HIPK1: variants seen among roughly 807,000 people sequenced by gnomAD.
HIPK1 encodes the protein homeodomain-interacting protein kinase 1.
A neutral mutation model predicts 117.1 loss-of-function variants in HIPK1; 28 were observed. The observed-to-expected ratio is 0.24, with a 90% CI of 0.18 to 0.33. HIPK1 has a LOEUF of 0.33. HIPK1 is among the 10% of genes least tolerant of loss of function. HIPK1 has a pLI of 1.00. For missense variants in HIPK1, 1,122 were observed against 1,475.1 expected (o/e 0.76, Z 3.92); for synonymous variants, 605 against 562.5 (o/e 1.08, Z -1.07).
In HIPK1 at chr1:113,968,433, T is replaced by C; in HGVS notation, c.2565-9T>C. Reference sequence around the variant, plus strand: ...CTGAATCATCTTTCCATGTGAACTTTTCCTACAGGTCCTCTCTAGATGTTC... The same window carrying C: ...CTGAATCATCTTTCCATGTGAACTTCTCCTACAGGTCCTCTCTAGATGTTC... On this transcript the variant is annotated splice_polypyrimidine_tract_variant and intron_variant, in intron 12 of 15. Transcript: ENST00000426820. 6.2e-7 allele frequency: 1 copy of C among 1,606,632 alleles called. No individual in the cohort carries two copies. Among genetic ancestry groups the C allele is most frequent in the South Asian group, 1.1e-5 (1 of 90,934 alleles).
chr1:113,936,656 C>T lies in HIPK1; in HGVS notation c.-2-3726C>T, dbSNP rs568273450. ...ATTTTTGTATCTTTAGTAGAGATGG[C>T]GTTTTACCATGTTGGTCAGGTTGGT... On this transcript the variant is annotated intron_variant, in intron 1 of 15. Transcript: ENST00000426820. Among the ~76,000 whole-genome samples, 7 of 152,162 alleles carry T rather than the reference C, an allele frequency of 4.6e-5. No individual in the cohort carries two copies. In the South Asian group the frequency reaches 8.3e-4, roughly 18 times the overall value.
chr1:113,964,895 C>T (rs771377344), intron 10 of HIPK1, among the ~76,000 whole-genome samples: 9 of 152,202 alleles, frequency 5.9e-5, no homozygotes, highest in African/African-American at 2.2e-4. Flanking sequence ...CAAAACAGTT[C>T]GTCGCTTGGA....
intron 8 of HIPK1, among the ~76,000 whole-genome samples, chr1:113,958,745 A>G (rs1671897629): frequency 6.6e-6 from 1 of 152,252 alleles, no homozygotes; most frequent in Non-Finnish European, 1.5e-5. Context: ...CATGTTTAAG[A>G]ATGTGGAAAC....
intron 9 of HIPK1, 52 bp from the exon 10 acceptor site, chr1:113,963,335 A>T (rs1672243295): frequency 6.2e-7 from 1 of 1,600,494 alleles, no homozygotes; most frequent in African/African-American, 1.3e-5. Flanking sequence ...TTCTGAATCC[A>T]GATATCCTGC....
chr1:113,971,608 ATATT>A (rs1672828071), intron 14 of HIPK1, among the ~76,000 whole-genome samples: 1 of 152,166 alleles, frequency 6.6e-6, no homozygotes, highest in South Asian at 2.1e-4. Flanking sequence ...AATATTTATA[ATATT>A]TATTTAAGTG....
intron 2 of HIPK1, among the ~76,000 whole-genome samples, chr1:113,949,856 T>A (rs1383198493): frequency 6.6e-6 from 1 of 152,098 alleles, no homozygotes. Flanking sequence ...CTCCTCGGCC[T>A]CCCAAAGTGC....
At chr1:113,942,857 A>G (rs1306802086) in intron 2 of HIPK1, among the ~76,000 whole-genome samples, 1 of 152,222 alleles carries the variant, frequency 6.6e-6, no homozygotes, top group Non-Finnish European at 1.5e-5. Flanking sequence ...CATACATTAA[A>G]TACAAATCAT....
chr1:113,951,732 T>TA (rs1671372796), intron 2 of HIPK1, among the ~76,000 whole-genome samples: 1 of 152,216 alleles, frequency 6.6e-6, no homozygotes, highest in African/African-American at 2.4e-5. Context: ...TGGGAACTCT[T>TA]ACTGTCTCCA....
In HIPK1 at chr1:113,973,613, CTT is replaced by C; in HGVS notation, c.*102_*103del. The C allele has an allele frequency of 1.4e-6, 2 of 1,391,794 alleles. No homozygotes were observed. The highest frequency in any genetic ancestry group is 5.0e-5 in the Admixed American group (2 of 39,624). The allele number at this position is 1,391,794 out of a possible 1,614,324, so 86.2% of individuals were successfully genotyped here. Reference sequence around the variant, plus strand: ...ATCCTCCTTTACCCTCTTGAAATTTCTTAGCCAGCAACTTGTTCTGCAGGGGC... The same window carrying C: ...ATCCTCCTTTACCCTCTTGAAATTTCAGCCAGCAACTTGTTCTGCAGGGGC... On this transcript the variant is annotated 3_prime_UTR_variant, in exon 16 of 16. Coordinates refer to ENST00000426820, the MANE Select transcript of HIPK1 (RefSeq NM_198268.3).
intron 9 of HIPK1, among the ~76,000 whole-genome samples, chr1:113,962,909 A>G (rs1672218355): frequency 6.6e-6 from 1 of 152,190 alleles, no homozygotes; most frequent in South Asian, 2.1e-4. Context: ...ACATTCCTTC[A>G]TTCCGTGTGT....
At chr1:113,958,453 A>G (rs1244375099) in intron 8 of HIPK1, among the ~76,000 whole-genome samples, 162 bp downstream of exon 8, 2 of 152,246 alleles carry the variant, frequency 1.3e-5, no homozygotes, top group African/African-American at 2.4e-5. Flanking sequence ...CTCTTTTTAC[A>G]TAGGCTATTT....
At position 113,940,603 on chromosome 1, in the gene HIPK1, C is replaced by T; in HGVS notation, c.220C>T (p.Leu74Phe). 1.9e-6 allele frequency: 3 copies of T among 1,614,184 alleles called. No individual in the cohort carries two copies. The highest frequency in any genetic ancestry group is 2.5e-6 in the Non-Finnish European group (3 of 1,180,032). Residue 74 changes from leucine to phenylalanine, a missense_variant, in exon 2 of 16, where the codon CTC (leucine) becomes TTC (phenylalanine). Coordinates refer to ENST00000426820, the MANE Select transcript of HIPK1 (RefSeq NM_198268.3). ...CAACATCCCTGCTTACGACCAGGGC[C>T]TCCTCCTCCCAGCTCCTGCAGTGGA... The part of the protein sequence containing the change: ...NFNIPAYDQG[L>F]LLPAPAVEHI...
At position 113,973,852 on chromosome 1, in the gene HIPK1, C is replaced by A; in HGVS notation, c.*340C>A. 5.2e-6 allele frequency: 1 copy of A among 190,546 alleles called. No homozygotes were observed. The highest frequency in any genetic ancestry group is 1.1e-5 in the Non-Finnish European group (1 of 94,144). 11.8% of individuals were successfully genotyped at this position (190,546 alleles called of 1,614,324 possible). A position where few individuals can be genotyped will look rare whatever the true frequency, so the allele number is the denominator to read the frequency against. On this transcript the variant is annotated 3_prime_UTR_variant, in exon 16 of 16. Transcript: ENST00000426820. ...TCTGAAAAATATTTTGTCTCTCTGA[C>A]TTGATTTCTATAAATGCTTTTAAAA...
intron 2 of HIPK1, among the ~76,000 whole-genome samples, chr1:113,952,030 C>G (rs1163910627): frequency 6.7e-6 from 1 of 149,076 alleles, no homozygotes; most frequent in Non-Finnish European, 1.5e-5. Context: ...CCTCTACCTC[C>G]TGGGTTCAAG....
chr1:113,952,958 G>GAAGTACT, intron 3 of HIPK1, 69 bp downstream of exon 3: 1 of 1,352,854 alleles, frequency 7.4e-7, no homozygotes, highest in Non-Finnish European at 9.7e-7. Context: ...TGGAGAAAGA[G>GAAGTACT]AAGTACTAAG....
Position 113,962,385 on chromosome 1 carries a change from C to T in HIPK1, c.2050C>T (p.Pro684Ser), listed in dbSNP as rs1211883667. 1 of 1,613,886 alleles carries T rather than the reference C, an allele frequency of 6.2e-7. No homozygotes were observed. Among genetic ancestry groups the T allele is most frequent in the Middle Eastern group, 1.6e-4 (1 of 6,062 alleles). ...VRMDNAVPIV[P>S]QAPAAQPLQI... ...GATGGATAATGCTGTACCGATTGTA[C>T]CCCAGGCACCAGCTGCTCAGCCACT... Residue 684 changes from proline to serine, a missense_variant, in exon 9 of 16, where the codon CCC becomes TCC. Pro to Ser is a moderately conservative substitution (Grantham distance 74). Transcript: ENST00000426820.
intron 12 of HIPK1, 22 bp downstream of exon 12, chr1:113,967,970 T>C (rs1300717600): frequency 6.3e-7 from 1 of 1,589,662 alleles, no homozygotes; most frequent in Non-Finnish European, 8.6e-7. Flanking sequence ...TTACAGCTGA[T>C]AGTTAAAACT....
chr1:113,940,432 G>A lies in HIPK1; in HGVS notation c.49G>A (p.Ala17Thr), dbSNP rs2101166595. ...VFSPPSVSSS[A>T]FCSAKKLKIE... is the part of the protein sequence containing the mutation. ...TTCGCCCCCATCAGTGTCGTCGAGT[G>A]CCTTCTGCAGTGCGAAGAAACTGAA... Residue 17 changes from alanine to threonine, a missense_variant, in exon 2 of 16, where the codon GCC (alanine) becomes ACC (threonine). Around this residue, in one of 6 missense-constraint regions of HIPK1, gnomAD observed 192 missense variants for 234.0 expected, o/e 0.82. Transcript: ENST00000426820. 6.2e-7 allele frequency: 1 copy of A among 1,613,918 alleles called. No individual in the cohort carries two copies. Among genetic ancestry groups the A allele is most frequent in the East Asian group, 2.2e-5 (1 of 44,872 alleles).
In HIPK1 at chr1:113,955,550, C is replaced by G; in HGVS notation, c.1321-13C>G. 6.9e-7 allele frequency: 1 copy of G among 1,457,178 alleles called. No individual in the cohort carries two copies. The allele number at this position is 1,457,178 out of a possible 1,614,324, so 90.3% of individuals were successfully genotyped here. A position where few individuals can be genotyped will look rare whatever the true frequency, so the allele number is the denominator to read the frequency against. On this transcript the variant is annotated splice_polypyrimidine_tract_variant and intron_variant, in intron 4 of 15. Transcript: ENST00000426820. ...ACAGATGGAATTTAAGGAGGAAAAT[C>G]TTTATTTTATAGACACCTGAAGAAC...
Sources: gnomAD v4.1 joint callset for allele counts (sites outside exome capture counted in the v4.1 genomes callset) on GRCh38, gnomAD v4.1.1 for gene constraint, gnomAD v4.1.1 regional missense constraint, MANE v1.5 for transcripts, NCBI Gene and HGNC (gene_info 2026-07-23, HGNC 2026-07-21) for gene names.